NAALADL2: variants seen among roughly 807,000 people sequenced by gnomAD.
NAALADL2 encodes the protein inactive N-acetylated-alpha-linked acidic dipeptidase-like protein 2.
NAALADL2 carries 76 observed loss-of-function variants against 87.2 expected under a neutral mutation model. The ratio of observed to expected loss-of-function variants is 0.87; its 90% CI spans 0.72 to 1.05. The LOEUF is 1.05. Among genes scored for constraint, NAALADL2 ranks in the 50% least tolerant of loss-of-function variants. The probability of loss-of-function intolerance (pLI) is 0.00; values close to 1 mark genes in which losing one functional copy is unlikely to be tolerated. For missense variants in NAALADL2, 1,089 were observed against 945.8 expected (o/e 1.15, Z -1.99); for synonymous variants, 354 against 331.0 (o/e 1.07, Z -0.75).
intron 1 of NAALADL2, among the ~76,000 whole-genome samples, chr3:174,481,170 C>G (rs963732407): frequency 6.6e-6 from 1 of 152,032 alleles, no homozygotes; most frequent in African/African-American, 2.4e-5. Context: ...AGTAGGTAAA[C>G]TTGGCTGGAG....
chr3:175,234,158 A>G lies in NAALADL2; in HGVS notation c.773A>G (p.Asp258Gly), dbSNP rs1256458968. Residue 258 changes from aspartate (D) to glycine (G), a missense_variant, in exon 3 of 14, where the codon GAC becomes GGC. Physicochemically the swap from Asp to Gly is moderately conservative, Grantham distance 94. Transcript: ENST00000454872. ...SEEARKDSSQ[D>G]LLYSYAAYSA... is the part of the protein sequence containing the mutation. ...GAAGCCAGAAAAGATAGCAGCCAAG[A>G]CCTGCTCTATTCATATGCAGCCTAT... The G allele has an allele frequency of 2.5e-6, 4 of 1,613,864 alleles. No homozygotes were observed. The highest frequency in any genetic ancestry group is 1.1e-5 in the South Asian group (1 of 91,090).
intron 1 of NAALADL2, among the ~76,000 whole-genome samples, chr3:174,959,627 G>T (rs1221827663): frequency 6.6e-6 from 1 of 151,958 alleles, no homozygotes; most frequent in East Asian, 1.9e-4. Flanking sequence ...AGATTAACAT[G>T]TTTTTCTGGA....
At chr3:175,303,148 T>G (rs893606063) in intron 4 of NAALADL2, among the ~76,000 whole-genome samples, 1 of 152,150 alleles carries the variant, frequency 6.6e-6, no homozygotes, top group African/African-American at 2.4e-5. Flanking sequence ...TAGTTTTGTT[T>G]GTGTTTTTTC....
At chr3:175,173,284 T>A (rs1159881059) in intron 2 of NAALADL2, among the ~76,000 whole-genome samples, 1 of 149,134 alleles carries the variant, frequency 6.7e-6, no homozygotes, top group Non-Finnish European at 1.5e-5. Flanking sequence ...ACAGCGAGAC[T>A]CCGTTTCAAA....
chr3:175,775,808 T>C (rs1312985049), intron 13 of NAALADL2, among the ~76,000 whole-genome samples: 4 of 151,910 alleles, frequency 2.6e-5, no homozygotes, highest in African/African-American at 7.3e-5. Context: ...ATCACAGGAG[T>C]CCTCCTGGGC....
chr3:175,204,765 T>C (rs1025207179), intron 2 of NAALADL2, among the ~76,000 whole-genome samples: 7 of 152,118 alleles, frequency 4.6e-5, no homozygotes, highest in African/African-American at 1.7e-4. Flanking sequence ...ACAAGATTAA[T>C]GTGCACAAAT....
chr3:175,677,478 G>GGTGTGTGTGT (rs144329998), intron 11 of NAALADL2, among the ~76,000 whole-genome samples: 20 of 140,122 alleles, frequency 1.4e-4, no homozygotes, highest in African/African-American at 4.5e-4. Context: ...AGTATAATGG[G>GGTGTGTGTGT]GTGTGTGTGT....
chr3:175,149,904 T>C (rs1303989793), intron 2 of NAALADL2, among the ~76,000 whole-genome samples: 1 of 152,170 alleles, frequency 6.6e-6, no homozygotes, highest in African/African-American at 2.4e-5. Context: ...GGGCCAGGTT[T>C]GTGCAATGCT....
At chr3:174,744,539 T>C (rs1043522553) in intron 3 of NAALADL2, among the ~76,000 whole-genome samples, 11 of 151,956 alleles carry the variant, frequency 7.2e-5, no homozygotes, top group African/African-American at 1.7e-4. Context: ...AGGCAGATCA[T>C]TGAGACAGAA....
intron 1 of NAALADL2, among the ~76,000 whole-genome samples, chr3:174,508,258 C>T (rs573892418): frequency 8.6e-5 from 13 of 151,792 alleles, no homozygotes; most frequent in East Asian, 1.9e-4. Context: ...GGACTACAGG[C>T]GCCTGCCACC....
intron 3 of NAALADL2, among the ~76,000 whole-genome samples, chr3:174,775,156 TATG>T (rs984603981): frequency 6.6e-6 from 1 of 152,136 alleles, no homozygotes; most frequent in Non-Finnish European, 1.5e-5. Context: ...ATTTATATAA[TATG>T]ATATTCATGT....
Position 174,817,948 on chromosome 3 carries a change from T to A in NAALADL2, c.-9+80202T>A, listed in dbSNP as rs145866415. Among the ~76,000 whole-genome samples the A allele has an allele frequency of 2.0e-4, 30 of 152,302 alleles. No individual in the cohort carries two copies. In the East Asian group the frequency reaches 2.9e-3, roughly 15 times the overall value. ...CAGTAATAAACACAGCCCATATATTTCTATAGTAACTTTATGAACTTCCCA... is the reference window on the plus strand; with the variant it reads ...CAGTAATAAACACAGCCCATATATTACTATAGTAACTTTATGAACTTCCCA... On this transcript the variant is annotated intron_variant, in intron 3 of 3. Transcript: ENST00000434257.
chr3:174,462,064 ATTTC>A (rs1217628375), intron 1 of NAALADL2, among the ~76,000 whole-genome samples: 1 of 126,694 alleles, frequency 7.9e-6, no homozygotes, highest in Non-Finnish European at 1.6e-5. Flanking sequence ...TTTTAAAAAT[ATTTC>A]TTATTTTTAA....
At chr3:175,057,018 C>G (rs765250323) in intron 1 of NAALADL2, among the ~76,000 whole-genome samples, 1 of 152,150 alleles carries the variant, frequency 6.6e-6, no homozygotes, top group Admixed American at 6.5e-5. Context: ...CTGTTCCCAA[C>G]AGCATTTTCA....
At chr3:175,550,425 T>C (rs1057076673) in intron 9 of NAALADL2, among the ~76,000 whole-genome samples, 7 of 152,018 alleles carry the variant, frequency 4.6e-5, no homozygotes, top group African/African-American at 1.7e-4. Context: ...CCAGACAAAA[T>C]AGTAACTTGA....
At chr3:175,013,082 AC>A in intron 1 of NAALADL2, among the ~76,000 whole-genome samples, 1 of 77,204 alleles carries the variant, frequency 1.3e-5, no homozygotes, top group Non-Finnish European at 2.1e-5. Context: ...AATATGTAAT[AC>A]ATATTTATAT....
At position 174,859,369 on chromosome 3, in the gene NAALADL2, C is replaced by T; in HGVS notation, c.-39C>T. The T allele has an allele frequency of 1.5e-5, 24 of 1,549,136 alleles. No individual in the cohort carries two copies. The highest frequency in any genetic ancestry group is 2.1e-5 in the Non-Finnish European group (24 of 1,129,506). ...AAAGCTTGCAGGGTAAGTGACACAA[C>T]TTGAAACTGCTTGGCCCTCTTTAAA... is the stretch of plus-strand genomic sequence containing the variant. On this transcript the variant is annotated 5_prime_UTR_variant, in exon 1 of 14. Coordinates refer to ENST00000454872, the MANE Select transcript of NAALADL2 (RefSeq NM_207015.3).
intron 5 of NAALADL2, among the ~76,000 whole-genome samples, chr3:175,367,839 C>A (rs1049504977): frequency 2.2e-4 from 34 of 152,250 alleles, no homozygotes; most frequent in Non-Finnish European, 4.1e-4. Context: ...TAACTGAATA[C>A]CCTTTATTTC....
chr3:175,098,791 T>C (rs1253401368), intron 2 of NAALADL2, among the ~76,000 whole-genome samples: 1 of 152,056 alleles, frequency 6.6e-6, no homozygotes, highest in Non-Finnish European at 1.5e-5. Flanking sequence ...TGTTTAACTG[T>C]TTTTACTTTA....
Sources: allele counts gnomAD v4.1 joint callset (sites outside exome capture counted in the v4.1 genomes callset), GRCh38; gene constraint gnomAD v4.1.1; transcripts MANE v1.5; gene names NCBI Gene and HGNC (gene_info 2026-07-23, HGNC 2026-07-21).